Variants in LRRC4C observed in about 807,000 individuals in gnomAD.
LRRC4C encodes the protein leucine-rich repeat-containing protein 4C.
In LRRC4C, 5 loss-of-function variants were observed where a neutral mutation model predicts 33.6. The ratio of observed to expected loss-of-function variants is 0.15; its 90% CI spans 0.08 to 0.31. The LOEUF (loss-of-function observed/expected upper bound fraction) is 0.31. LRRC4C is among the 10% of genes least tolerant of loss of function. The pLI is 1.00. For synonymous variants in LRRC4C, 329 were observed against 302.0 expected (o/e 1.09, Z -0.93); for missense variants, 560 against 796.7 (o/e 0.70, Z 3.58).
chr11:40,353,115 T>C (rs1947490390), intron 3 of LRRC4C, among the ~76,000 whole-genome samples: 1 of 152,206 alleles, frequency 6.6e-6, no homozygotes, highest in Non-Finnish European at 1.5e-5. Flanking sequence ...AATATTAATA[T>C]CTTTCTCTAG....
chr11:40,433,503 A>G (rs543065145), intron 3 of LRRC4C, among the ~76,000 whole-genome samples: 20 of 152,214 alleles, frequency 1.3e-4, no homozygotes, highest in African/African-American at 3.9e-4. Context: ...TTGATTTCCT[A>G]TAAAATGAGG....
chr11:40,191,026 T>TA (rs996129808), intron 5 of LRRC4C, among the ~76,000 whole-genome samples: 4 of 152,224 alleles, frequency 2.6e-5, no homozygotes, highest in African/African-American at 9.6e-5. Flanking sequence ...CTACTATTGC[T>TA]ACTACTATTG....
rs193205466 is a variant in LRRC4C, at chr11:41,224,405, A to T, written c.-496+235026T>A. On this transcript the variant is annotated intron_variant, in intron 1 of 6. Transcript: ENST00000528697. ...TGCAATTTATTAGCTCTGTAACTAC[A>T]ATTCTCATCCAAGAGGCCAGTTTTA... is the stretch of plus-strand genomic sequence containing the variant. Among the ~76,000 whole-genome samples the T allele has an allele frequency of 2.0e-3, 309 of 152,310 alleles. 1 individual carries two copies. The highest frequency in any genetic ancestry group is 3.7e-3 in the Non-Finnish European group (249 of 68,026).
intron 3 of LRRC4C, among the ~76,000 whole-genome samples, chr11:40,644,958 TA>T (rs1942356890): frequency 6.6e-6 from 1 of 151,990 alleles, no homozygotes; most frequent in Admixed American, 6.5e-5. Context: ...TTTTTTTTTT[TA>T]CAACTACATG....
intron 1 of LRRC4C, among the ~76,000 whole-genome samples, chr11:41,105,708 T>A (rs1173401525): frequency 6.6e-6 from 1 of 152,010 alleles, no homozygotes; most frequent in Non-Finnish European, 1.5e-5. Flanking sequence ...CAACTACAAC[T>A]TCGATGTACA....
intron 3 of LRRC4C, among the ~76,000 whole-genome samples, chr11:40,345,263 A>G (rs1947071855): frequency 6.6e-6 from 1 of 152,182 alleles, no homozygotes; most frequent in African/African-American, 2.4e-5. Flanking sequence ...CAAAATAAAC[A>G]AAGCTGGAGG....
intron 6 of LRRC4C, among the ~76,000 whole-genome samples, chr11:40,127,283 C>CAAAGACA (rs753390319): frequency 0.052 from 7,367 of 140,980 alleles, 246 homozygotes; most frequent in Middle Eastern, 0.076. Flanking sequence ...TCAAAAAAAG[C>CAAAGACA]AAAAAAAAAA....
At chr11:40,813,530 T>A (rs1476328884) in intron 2 of LRRC4C, among the ~76,000 whole-genome samples, 1 of 151,998 alleles carries the variant, frequency 6.6e-6, no homozygotes, top group African/African-American at 2.4e-5. Flanking sequence ...GAGATTTGGG[T>A]GGGGACACAG....
At chr11:40,697,595 C>A (rs749401222) in intron 2 of LRRC4C, among the ~76,000 whole-genome samples, 3 of 152,176 alleles carry the variant, frequency 2.0e-5, no homozygotes, top group African/African-American at 7.2e-5. Flanking sequence ...ATCTATTTTA[C>A]AACCTATGGA....
chr11:40,226,581 G>C (rs1027447476), intron 5 of LRRC4C, among the ~76,000 whole-genome samples: 29 of 152,178 alleles, frequency 1.9e-4, no homozygotes, highest in African/African-American at 7.0e-4. Context: ...TCTGAGGCCA[G>C]TTCTTAGTCA....
At chr11:40,657,487 A>C (rs1591388666) in intron 2 of LRRC4C, among the ~76,000 whole-genome samples, 1 of 115,034 alleles carries the variant, frequency 8.7e-6, no homozygotes, top group Non-Finnish European at 2.2e-5. Context: ...CCTGTCTCCC[A>C]TTCTATTCAG....
intron 1 of LRRC4C, among the ~76,000 whole-genome samples, chr11:41,085,229 C>A (rs949571388): frequency 6.6e-6 from 1 of 152,126 alleles, no homozygotes; most frequent in Non-Finnish European, 1.5e-5. Flanking sequence ...ATTTCCAAAT[C>A]CTCTTGAACA....
At chr11:40,794,271 C>G (rs1323820241) in intron 2 of LRRC4C, among the ~76,000 whole-genome samples, 2 of 148,826 alleles carry the variant, frequency 1.3e-5, no homozygotes, top group African/African-American at 5.0e-5. Context: ...AATGAACAAA[C>G]GAGAAAGTCT....
At chr11:40,989,572 T>C (rs554069335) in intron 1 of LRRC4C, among the ~76,000 whole-genome samples, 2 of 152,266 alleles carry the variant, frequency 1.3e-5, no homozygotes, top group East Asian at 3.9e-4. Flanking sequence ...CAGGAAGGAT[T>C]TATACATAAC....
intron 2 of LRRC4C, among the ~76,000 whole-genome samples, chr11:40,747,699 A>C (rs1410801720): frequency 6.6e-6 from 1 of 152,126 alleles, no homozygotes; most frequent in African/African-American, 2.4e-5. Flanking sequence ...GAAATTAACT[A>C]AAGAAAAAGA....
chr11:41,177,570 A>G (rs1270191507), intron 1 of LRRC4C, among the ~76,000 whole-genome samples: 1 of 152,140 alleles, frequency 6.6e-6, no homozygotes, highest in African/African-American at 2.4e-5. Context: ...CTGGATGACT[A>G]TCTTGATACT....
rs569060446 is a variant in LRRC4C at position 41,118,764 on chromosome 11, C to T, written c.-495-185041G>A. On this transcript the variant is annotated intron_variant, in intron 1 of 6. Transcript: ENST00000528697. ...TAGTAAAGCAACTTTCATTGTGATG[C>T]CATTGACCTAGTTTGAGTGTTGTTA... Among the ~76,000 whole-genome samples the T allele has an allele frequency of 9.2e-5, 14 of 152,206 alleles. No homozygotes were observed. In the East Asian group the frequency reaches 2.3e-3, roughly 25 times the overall value.
intron 1 of LRRC4C, among the ~76,000 whole-genome samples, chr11:41,227,228 G>A (rs1456698386): frequency 6.6e-6 from 1 of 151,826 alleles, no homozygotes; most frequent in African/African-American, 2.4e-5. Context: ...CATCAGTATA[G>A]TTCAAATAGT....
At chr11:41,337,044 TTC>T (rs1316079048) in intron 1 of LRRC4C, among the ~76,000 whole-genome samples, 1 of 152,074 alleles carries the variant, frequency 6.6e-6, no homozygotes, top group Non-Finnish European at 1.5e-5. Flanking sequence ...TAACATTAAA[TTC>T]TTTTTCTTTT....
Sources: gnomAD v4.1 joint callset for allele counts (sites outside exome capture counted in the v4.1 genomes callset) on GRCh38, gnomAD v4.1.1 for gene constraint, MANE v1.5 for transcripts, NCBI Gene and HGNC (gene_info 2026-07-23, HGNC 2026-07-21) for gene names.